The following SFMBT1 variants were observed in gnomAD, a reference collection of about 807,000 sequenced individuals.
The protein encoded by SFMBT1 is scm-like with four MBT domains protein 1.
SFMBT1 carries 32 observed loss-of-function variants against 108.7 expected under a neutral mutation model. The ratio of observed to expected loss-of-function variants is 0.29; its 90% CI spans 0.22 to 0.40. SFMBT1 has a LOEUF of 0.40. Among genes scored for constraint, SFMBT1 ranks in the 10% least tolerant of loss-of-function variants. The probability of loss-of-function intolerance (pLI) is 1.00; values close to 1 mark genes in which losing one functional copy is unlikely to be tolerated. For missense variants in SFMBT1, 816 were observed against 1,059.6 expected (o/e 0.77, Z 3.19); for synonymous variants, 348 against 369.5 (o/e 0.94, Z 0.67).
chr3:53,026,492 C>T (rs1699496095), intron 1 of SFMBT1, among the ~76,000 whole-genome samples: 1 of 151,950 alleles, frequency 6.6e-6, no homozygotes, highest in African/African-American at 2.4e-5. Context: ...AATAGAGGAA[C>T]TCAACAGAGA....
chr3:52,954,425 T>G lies in SFMBT1; in HGVS notation c.29-14A>C. Reference sequence around the variant, plus strand: ...CAGAGCCGGCATCTAGAATTAAAAATAAAACAAAAACAGGTGAATCCCAAT... The same window carrying G: ...CAGAGCCGGCATCTAGAATTAAAAAGAAAACAAAAACAGGTGAATCCCAAT... On this transcript the variant is annotated splice_polypyrimidine_tract_variant and intron_variant, in intron 2 of 20. Transcript: ENST00000394752. 6.3e-7 allele frequency: 1 copy of G among 1,594,106 alleles called. No individual in the cohort carries two copies. The highest frequency in any genetic ancestry group is 8.6e-7 in the Non-Finnish European group (1 of 1,167,394).
intron 1 of SFMBT1, among the ~76,000 whole-genome samples, chr3:52,978,322 GGCCAGGGTAGTTGGT>G (rs1009029226): frequency 6.6e-6 from 1 of 152,186 alleles, no homozygotes; most frequent in Middle Eastern, 3.4e-3. Context: ...ATAGCAGGGA[GGCCAGGGTAGTTGGT>G]GCCAAGTAAG....
At chr3:52,908,867 G>T (rs113752682) in intron 17 of SFMBT1, among the ~76,000 whole-genome samples, 13 of 152,090 alleles carry the variant, frequency 8.5e-5, no homozygotes. Context: ...CACCGCACCC[G>T]GCTTGACTAT....
chr3:52,976,115 T>C (rs1228987832), intron 1 of SFMBT1, among the ~76,000 whole-genome samples: 2 of 151,806 alleles, frequency 1.3e-5, no homozygotes, highest in Non-Finnish European at 2.9e-5. Context: ...TCTATCAAAA[T>C]ATTAAGCCAG....
intron 8 of SFMBT1, among the ~76,000 whole-genome samples, chr3:52,929,396 T>C (rs1262471734): frequency 6.6e-6 from 1 of 152,180 alleles, no homozygotes; most frequent in Non-Finnish European, 1.5e-5. Context: ...TGCACCACCA[T>C]GTCCAGCTAA....
chr3:52,935,367 G>T (rs55700809), intron 4 of SFMBT1, among the ~76,000 whole-genome samples: 114 of 152,304 alleles, frequency 7.5e-4, no homozygotes, highest in Non-Finnish European at 1.3e-3. Flanking sequence ...CTGGAACATG[G>T]CCATACCCAT....
chr3:52,922,093 C>G (rs1172066931), intron 10 of SFMBT1, among the ~76,000 whole-genome samples: 1 of 152,158 alleles, frequency 6.6e-6, no homozygotes, highest in Non-Finnish European at 1.5e-5. Context: ...GCTGTATAAC[C>G]TCTTTTTGCC....
intron 4 of SFMBT1, 74 bp downstream of exon 4, chr3:52,943,279 C>A: frequency 3.1e-6 from 5 of 1,593,634 alleles, no homozygotes; most frequent in Non-Finnish European, 3.4e-6. Context: ...AGACTTAAAA[C>A]CTCAAGACTG....
At chr3:52,918,659 G>GTATA (rs10633605) in intron 12 of SFMBT1, 133 bp from the exon 13 acceptor site, 419 of 383,302 alleles carry the variant, frequency 1.1e-3, no homozygotes, top group East Asian at 8.7e-3. Context: ...ATGTGTGTGT[G>GTATA]TATATATATA....
chr3:53,023,447 T>C (rs959998161), intron 1 of SFMBT1, among the ~76,000 whole-genome samples: 8 of 152,266 alleles, frequency 5.3e-5, no homozygotes, highest in Admixed American at 2.6e-4. Flanking sequence ...TCTGTGTTAT[T>C]ATTTGGTGGC....
At chr3:53,033,373 C>A (rs1699754137) in intron 1 of SFMBT1, among the ~76,000 whole-genome samples, 5 of 152,050 alleles carry the variant, frequency 3.3e-5, no homozygotes, top group Admixed American at 3.3e-4. Context: ...GTTGGCCAGG[C>A]TGGTCTCAAA....
chr3:52,930,687 T>C (rs1702829731), intron 7 of SFMBT1, among the ~76,000 whole-genome samples: 1 of 152,270 alleles, frequency 6.6e-6, no homozygotes, highest in Non-Finnish European at 1.5e-5. Flanking sequence ...AAATTTATTT[T>C]ATCAGTTAAG....
At chr3:53,039,398 G>A (rs1434926655) in intron 1 of SFMBT1, among the ~76,000 whole-genome samples, 1 of 152,148 alleles carries the variant, frequency 6.6e-6, no homozygotes, top group Non-Finnish European at 1.5e-5. Flanking sequence ...CTTAGATGAA[G>A]TACCTAGAAT....
At chr3:52,932,564 T>C (rs570272948) in intron 5 of SFMBT1, among the ~76,000 whole-genome samples, 7 of 152,340 alleles carry the variant, frequency 4.6e-5, no homozygotes, top group African/African-American at 1.4e-4. Context: ...GACTATGTTA[T>C]GTAGTTTCAT....
At chr3:52,927,342 T>A (rs1253943744) in intron 9 of SFMBT1, among the ~76,000 whole-genome samples, 1 of 152,234 alleles carries the variant, frequency 6.6e-6, no homozygotes, top group African/African-American at 2.4e-5. Flanking sequence ...CATGAATGTT[T>A]GTTGAATGAA....
chr3:52,956,487 G>A (rs1703789517), intron 2 of SFMBT1, among the ~76,000 whole-genome samples: 1 of 151,998 alleles, frequency 6.6e-6, no homozygotes, highest in South Asian at 2.1e-4. Flanking sequence ...TAGGCTGGGT[G>A]CAGTGGCTCA....
chr3:52,988,970 C>A (rs1055601046), intron 1 of SFMBT1, among the ~76,000 whole-genome samples: 2 of 152,314 alleles, frequency 1.3e-5, no homozygotes, highest in African/African-American at 4.8e-5. Context: ...AGTACCCCCA[C>A]ACCTTTCAAT....
At chr3:52,960,122 A>G (rs2336669) in intron 2 of SFMBT1, among the ~76,000 whole-genome samples, 36,652 of 151,382 alleles carry the variant, frequency 0.24, 4,735 homozygotes, top group Admixed American at 0.36. Context: ...GTTGACACAG[A>G]TAAGTCTCAA....
intron 1 of SFMBT1, among the ~76,000 whole-genome samples, chr3:53,001,756 A>G (rs1698555354): frequency 6.8e-6 from 1 of 148,032 alleles, no homozygotes; most frequent in Non-Finnish European, 1.5e-5. Context: ...CTCTACCAAA[A>G]AAAAAAAAAA....
Sources: allele counts gnomAD v4.1 joint callset (sites outside exome capture counted in the v4.1 genomes callset), GRCh38; gene constraint gnomAD v4.1.1; transcripts MANE v1.5; gene names NCBI Gene and HGNC (gene_info 2026-07-23, HGNC 2026-07-21).